Variants in RASA3 observed in about 807,000 individuals in gnomAD.
RASA3 encodes RAS p21 protein activator 3.
In RASA3, 73 loss-of-function variants were observed where a neutral mutation model predicts 110.0. The observed-to-expected ratio is 0.66, with a 90% CI of 0.55 to 0.81. The LOEUF (loss-of-function observed/expected upper bound fraction) is 0.81, where lower values mean the gene tolerates loss of function less well. Ranked by LOEUF, RASA3 falls within the 30% of genes least tolerant of loss-of-function variation. The probability of loss-of-function intolerance (pLI) is 0.00; values close to 1 mark genes in which losing one functional copy is unlikely to be tolerated. For synonymous variants in RASA3, 500 were observed against 451.4 expected (o/e 1.11, Z -1.37); for missense variants, 976 against 1,113.2 (o/e 0.88, Z 1.75).
intron 18 of RASA3, among the ~76,000 whole-genome samples, chr13:114,003,635 GC>G (rs1020639395): frequency 6.6e-6 from 1 of 150,504 alleles, no homozygotes; most frequent in African/African-American, 2.4e-5. Context: ...TGTTGGACGT[GC>G]CCACAGGCTC....
intron 1 of RASA3, among the ~76,000 whole-genome samples, chr13:114,117,245 T>A (rs149671859): frequency 0.014 from 646 of 45,138 alleles, 22 homozygotes; most frequent in Middle Eastern, 0.023. Flanking sequence ...GTGTGAGGGG[T>A]GCACGTGTGT....
intron 3 of RASA3, among the ~76,000 whole-genome samples, chr13:114,047,132 A>C (rs2079065950): frequency 6.6e-6 from 1 of 152,236 alleles, no homozygotes; most frequent in African/African-American, 2.4e-5. Flanking sequence ...ATGAAATACA[A>C]GCCACAAACT....
At chr13:114,025,916 C>G (rs1166171425) in intron 7 of RASA3, among the ~76,000 whole-genome samples, 1 of 152,154 alleles carries the variant, frequency 6.6e-6, no homozygotes, top group Admixed American at 6.5e-5. Context: ...GAGACAGAGT[C>G]CTGGTGAAAG....
At chr13:114,034,257 C>T (rs9525340) in intron 4 of RASA3, among the ~76,000 whole-genome samples, 20,506 of 152,346 alleles carry the variant, frequency 0.13, 1,768 homozygotes, top group Middle Eastern at 0.21. Context: ...ACTGCTTCAT[C>T]CCCGTTCTCA....
rs751128700 is a variant in RASA3, at chr13:114,007,590, G to A, written c.1685C>T (p.Ser562Leu). 2.0e-5 allele frequency: 32 copies of A among 1,612,880 alleles called. No individual in the cohort carries two copies. The highest frequency in any genetic ancestry group is 2.6e-5 in the Non-Finnish European group (31 of 1,179,494). Residue 562 changes from serine (S) to leucine (L), a missense_variant, in exon 18 of 24, where the codon TCG becomes TTG. By Grantham distance (145) the Ser-to-Leu change is moderately radical. This residue lies in a region of RASA3 where 732 missense variants were observed against 779.7 expected (regional missense o/e 0.94). Coordinates refer to ENST00000334062, the MANE Select transcript of RASA3 (RefSeq NM_007368.4). ...CTTGGGGTCTCTTCTCCCCGAGGAC[G>A]AAATCAGATCCAAGAACTAAAGTTG... ...DAVKNFLDLISSSGRRDPKSV... is the reference protein window; with the variant it reads ...DAVKNFLDLILSSGRRDPKSV...
intron 13 of RASA3, among the ~76,000 whole-genome samples, chr13:114,015,569 C>G (rs968990950): frequency 4.6e-5 from 7 of 152,252 alleles, no homozygotes; most frequent in Non-Finnish European, 5.9e-5. Context: ...CGGCCCCGAC[C>G]TCGTTTACTG....
chr13:114,013,415 C>A (rs1460375737), intron 14 of RASA3, among the ~76,000 whole-genome samples, 167 bp from the exon 15 acceptor site: 1 of 150,694 alleles, frequency 6.6e-6, no homozygotes, highest in Non-Finnish European at 1.5e-5. Context: ...CTCTCCCTCT[C>A]TCTGTTTCCC....
chr13:114,004,140 G>A (rs559935969), intron 18 of RASA3, among the ~76,000 whole-genome samples: 1 of 152,210 alleles, frequency 6.6e-6, no homozygotes, highest in South Asian at 2.1e-4. Context: ...TGCCACTGGG[G>A]TATGGTCCAC....
At chr13:114,083,268 G>C (rs895034544) in intron 1 of RASA3, among the ~76,000 whole-genome samples, 1 of 152,178 alleles carries the variant, frequency 6.6e-6, no homozygotes, top group African/African-American at 2.4e-5. Flanking sequence ...TTTAATTCAG[G>C]GTAGCAAGAT....
intron 1 of RASA3, among the ~76,000 whole-genome samples, chr13:114,123,532 G>T (rs1222912859): frequency 4.6e-5 from 7 of 152,236 alleles, no homozygotes; most frequent in African/African-American, 1.7e-4. Flanking sequence ...ATCGCGCCCA[G>T]TTCAGACCCG....
intron 1 of RASA3, among the ~76,000 whole-genome samples, chr13:114,118,693 C>T (rs72659581): frequency 0.31 from 46,571 of 152,232 alleles, 8,383 homozygotes; most frequent in Non-Finnish European, 0.41. Context: ...AAGCAAGTGG[C>T]AGCTTTTGAG....
At chr13:114,017,423 C>CACAGGCAGGTGCTCGGGGCCAGG in intron 11 of RASA3, 72 bp from the exon 12 acceptor site, 1 of 1,185,724 alleles carries the variant, frequency 8.4e-7, no homozygotes, top group Non-Finnish European at 1.2e-6. Flanking sequence ...GAGCCTGGCC[C>CACAGGCAGGTGCTCGGGGCCAGG]CGAGCACCTG....
intron 1 of RASA3, 72 bp downstream of exon 1, chr13:114,132,363 A>C: frequency 3.6e-6 from 5 of 1,388,772 alleles, no homozygotes; most frequent in Non-Finnish European, 4.7e-6. Context: ...GGATCTGCGG[A>C]GGGGAGGCGG....
intron 4 of RASA3, among the ~76,000 whole-genome samples, chr13:114,036,930 G>A (rs1419026334): frequency 6.6e-6 from 1 of 152,234 alleles, no homozygotes; most frequent in Non-Finnish European, 1.5e-5. Context: ...GACTGCATCA[G>A]TGAAGCAACG....
intron 1 of RASA3, among the ~76,000 whole-genome samples, chr13:114,120,689 A>G (rs2080365113): frequency 6.6e-6 from 1 of 152,272 alleles, no homozygotes; most frequent in Non-Finnish European, 1.5e-5. Context: ...CCCACAGAGA[A>G]ACTCCGTGTG....
chr13:114,012,227 C>T (rs764185805), intron 15 of RASA3, among the ~76,000 whole-genome samples: 2 of 152,080 alleles, frequency 1.3e-5, no homozygotes, highest in East Asian at 1.9e-4. Flanking sequence ...GACACTGTCT[C>T]GACTCCCCCA....
At position 114,112,542 on chromosome 13, in the gene RASA3, G is replaced by T. The variant is rs2080233063; in HGVS notation, c.55+19893C>A. On this transcript the variant is annotated intron_variant, in intron 1 of 23. Coordinates refer to ENST00000334062, the MANE Select transcript of RASA3 (RefSeq NM_007368.4). This position sits in a 1 kb window ranked among gnomAD's most constrained non-coding sequence, Gnocchi z 4.8. Reference sequence around the variant, plus strand: ...CCAGCCCCAGCTCTGTAGGGGTGCGGCCTGCCTCGAGCACTTCACACGCGT... The same window carrying T: ...CCAGCCCCAGCTCTGTAGGGGTGCGTCCTGCCTCGAGCACTTCACACGCGT... Among the ~76,000 whole-genome samples, 2 of 152,170 alleles carry T rather than the reference G, an allele frequency of 1.3e-5. No individual in the cohort carries two copies. The highest frequency in any genetic ancestry group is 2.9e-5 in the Non-Finnish European group (2 of 68,022).
Position 113,980,079 on chromosome 13 carries a change from G to GCAC in RASA3, c.2430-660_2430-658dup, listed in dbSNP as rs1376372984. 1.4e-3 allele frequency among the ~76,000 whole-genome samples: 104 copies of GCAC among 72,822 alleles called. 2 individuals carry two copies. The highest frequency in any genetic ancestry group is 2.0e-3 in the South Asian group (5 of 2,524). 47.8% of individuals were successfully genotyped at this position (72,822 alleles called of 152,430 possible). On this transcript the variant is annotated intron_variant, in intron 23 of 23. Transcript: ENST00000334062. ...TGTGTGCACCTCCTCCCATGTGTGT[G>GCAC]CACCACCTCCCACGTGTGTGCACCC...
At chr13:114,120,606 C>T (rs946273246) in intron 1 of RASA3, among the ~76,000 whole-genome samples, 8 of 151,836 alleles carry the variant, frequency 5.3e-5, no homozygotes, top group East Asian at 1.9e-4. Flanking sequence ...CGGTCAGGGC[C>T]CCTCCCTCTC....
Sources: allele counts gnomAD v4.1 joint callset (sites outside exome capture counted in the v4.1 genomes callset), GRCh38; gene constraint gnomAD v4.1.1; regional missense constraint gnomAD v4.1.1; non-coding constraint Gnocchi (gnomAD v3.1); transcripts MANE v1.5; gene names NCBI Gene and HGNC (gene_info 2026-07-23, HGNC 2026-07-21).